Variants in ATRNL1 observed in about 807,000 individuals in gnomAD.
The protein encoded by ATRNL1 is attractin like 1.
In ATRNL1, 95 loss-of-function variants were observed where a neutral mutation model predicts 182.7. The ratio of observed to expected loss-of-function variants is 0.52; its 90% CI spans 0.44 to 0.62. ATRNL1 has a LOEUF of 0.62. ATRNL1 is among the 20% of genes least tolerant of loss of function. The pLI, the probability that ATRNL1 is intolerant of heterozygous loss-of-function variation, is 0.00. For synonymous variants in ATRNL1, 576 were observed against 568.3 expected (o/e 1.01, Z -0.19); for missense variants, 1,471 against 1,679.5 (o/e 0.88, Z 2.17).
At chr10:115,640,970 A>G (rs1045720453) in intron 26 of ATRNL1, among the ~76,000 whole-genome samples, 5 of 152,118 alleles carry the variant, frequency 3.3e-5, no homozygotes, top group African/African-American at 4.8e-5. Flanking sequence ...GAAGGGGTCC[A>G]GTTTCAGTTT....
intron 19 of ATRNL1, among the ~76,000 whole-genome samples, chr10:115,340,609 T>A (rs991780803): frequency 1.3e-4 from 19 of 151,764 alleles, no homozygotes; most frequent in African/African-American, 4.6e-4. Flanking sequence ...TTGGTATTAG[T>A]TCTGCTTTAA....
intron 24 of ATRNL1, among the ~76,000 whole-genome samples, chr10:115,489,579 G>A (rs1849195726): frequency 1.3e-5 from 2 of 152,064 alleles, no homozygotes; most frequent in South Asian, 4.1e-4. Context: ...CATTTGCTTG[G>A]TAAATATTTT....
chr10:115,459,380 C>A (rs998119028), intron 21 of ATRNL1, among the ~76,000 whole-genome samples: 1 of 152,118 alleles, frequency 6.6e-6, no homozygotes, highest in African/African-American at 2.4e-5. Flanking sequence ...TCACTGAATT[C>A]TTTTTCTCAG....
chr10:115,800,358 T>C (rs1380696066), intron 27 of ATRNL1, among the ~76,000 whole-genome samples: 1 of 152,256 alleles, frequency 6.6e-6, no homozygotes, highest in East Asian at 1.9e-4. Flanking sequence ...ATGCCATACT[T>C]GTCATATTTC....
At chr10:115,446,334 T>C (rs1320269371) in intron 21 of ATRNL1, among the ~76,000 whole-genome samples, 1 of 152,044 alleles carries the variant, frequency 6.6e-6, no homozygotes, top group Non-Finnish European at 1.5e-5. Flanking sequence ...ATTCTCGTAT[T>C]AACTTTTTAA....
At chr10:115,555,896 T>C (rs1853286552) in intron 26 of ATRNL1, among the ~76,000 whole-genome samples, 1 of 151,998 alleles carries the variant, frequency 6.6e-6, no homozygotes, top group South Asian at 2.1e-4. Context: ...ATAAAAATAG[T>C]ATTTAATTTT....
intron 21 of ATRNL1, among the ~76,000 whole-genome samples, chr10:115,428,678 A>G (rs1554963404): frequency 1.3e-5 from 2 of 152,084 alleles, no homozygotes; most frequent in African/African-American, 4.8e-5. Flanking sequence ...TAGTGATTTT[A>G]GTATTTTTAA....
At chr10:115,294,907 G>A (rs1853101665) in intron 15 of ATRNL1, among the ~76,000 whole-genome samples, 2 of 152,196 alleles carry the variant, frequency 1.3e-5, no homozygotes, top group South Asian at 2.1e-4. Flanking sequence ...CAGTGGTGAT[G>A]TGGCTTTGTT....
chr10:115,767,043 G>A (rs563143168), intron 27 of ATRNL1, among the ~76,000 whole-genome samples: 12 of 152,252 alleles, frequency 7.9e-5, no homozygotes, highest in Non-Finnish European at 1.6e-4. Context: ...AATTGCAAGG[G>A]TTTATGATAA....
chr10:115,216,612 GA>G (rs1250277290), intron 9 of ATRNL1, among the ~76,000 whole-genome samples: 1 of 151,454 alleles, frequency 6.6e-6, no homozygotes. Context: ...TTAATTTATT[GA>G]TTTTTTTGGT....
intron 15 of ATRNL1, among the ~76,000 whole-genome samples, chr10:115,293,658 A>C (rs1853034011): frequency 6.6e-6 from 1 of 152,188 alleles, no homozygotes; most frequent in Admixed American, 6.5e-5. Flanking sequence ...TCTATTGGTG[A>C]TTAATTTCAT....
intron 26 of ATRNL1, among the ~76,000 whole-genome samples, chr10:115,626,325 A>G (rs1343573949): frequency 6.6e-6 from 1 of 152,204 alleles, no homozygotes; most frequent in Non-Finnish European, 1.5e-5. Flanking sequence ...TATGTTGCTC[A>G]GTGGCCAAAT....
At chr10:115,136,067 T>G (rs1845500708) in intron 5 of ATRNL1, among the ~76,000 whole-genome samples, 1 of 151,896 alleles carries the variant, frequency 6.6e-6, no homozygotes, top group Non-Finnish European at 1.5e-5. Flanking sequence ...TCTTTCTATG[T>G]TGCTCAGACT....
intron 24 of ATRNL1, among the ~76,000 whole-genome samples, chr10:115,503,378 G>A (rs1849943701): frequency 6.6e-6 from 1 of 151,934 alleles, no homozygotes; most frequent in East Asian, 1.9e-4. Flanking sequence ...TTAGTCTCAG[G>A]CAATAACAAA....
chr10:115,226,391 A>G (rs1050613314), intron 9 of ATRNL1, among the ~76,000 whole-genome samples: 1 of 152,052 alleles, frequency 6.6e-6, no homozygotes, highest in Non-Finnish European at 1.5e-5. Flanking sequence ...TAGTAAAAGA[A>G]AAATGATAGA....
intron 24 of ATRNL1, among the ~76,000 whole-genome samples, chr10:115,511,222 G>C (rs949766620): frequency 3.3e-5 from 5 of 151,712 alleles, no homozygotes; most frequent in Non-Finnish European, 5.9e-5. Context: ...ATTATCTGTT[G>C]AAAGTTTATA....
intron 19 of ATRNL1, among the ~76,000 whole-genome samples, chr10:115,387,230 T>C (rs1554952940): frequency 6.6e-6 from 1 of 152,104 alleles, no homozygotes; most frequent in Non-Finnish European, 1.5e-5. Context: ...CTAGGTAAAC[T>C]ACTATGCCGT....
At chr10:115,808,679 A>G (rs1053985858) in intron 27 of ATRNL1, among the ~76,000 whole-genome samples, 1 of 152,264 alleles carries the variant, frequency 6.6e-6, no homozygotes, top group Non-Finnish European at 1.5e-5. Context: ...TCCACACACC[A>G]TTAATTCTTG....
At chr10:115,148,752 T>G (rs959929922) in intron 5 of ATRNL1, among the ~76,000 whole-genome samples, 3 of 149,786 alleles carry the variant, frequency 2.0e-5, no homozygotes, top group Non-Finnish European at 3.0e-5. Context: ...GCGTTTTTTT[T>G]TTTTTTTTTT....
Sources: gnomAD v4.1 joint callset for allele counts (sites outside exome capture counted in the v4.1 genomes callset) on GRCh38, gnomAD v4.1.1 for gene constraint, MANE v1.5 for transcripts, NCBI Gene and HGNC (gene_info 2026-07-23, HGNC 2026-07-21) for gene names.